The following PRR16 variants were observed in gnomAD, a reference collection of about 807,000 sequenced individuals.
The protein encoded by PRR16 is protein Largen.
In PRR16, 6 loss-of-function variants were observed where a neutral mutation model predicts 18.2. The ratio of observed to expected loss-of-function variants is 0.33; its 90% CI spans 0.18 to 0.65. The LOEUF is 0.65. PRR16 is among the 30% of genes least tolerant of loss of function. The pLI is 0.74. For missense variants in PRR16, 412 were observed against 376.6 expected (o/e 1.09, Z -0.78); for synonymous variants, 151 against 147.8 (o/e 1.02, Z -0.16).
chr5:120,771,349 T>C, the PRR16 span, among the ~76,000 whole-genome samples: 2 of 152,066 alleles, frequency 1.3e-5, no homozygotes, highest in Non-Finnish European at 2.9e-5. Context: ...CCCAAACACA[T>C]TGCAGTAGTT....
At chr5:120,502,988 T>G (rs914673050) in intron 1 of PRR16, among the ~76,000 whole-genome samples, 1 of 152,174 alleles carries the variant, frequency 6.6e-6, no homozygotes, top group Admixed American at 6.5e-5. Context: ...AAAAAAGATT[T>G]TTTTCTGTTC....
chr5:120,719,600 A>G, the PRR16 span, among the ~76,000 whole-genome samples: 2 of 152,114 alleles, frequency 1.3e-5, no homozygotes, highest in African/African-American at 4.8e-5. Context: ...GATTTGTGAC[A>G]TATTGCATAG....
At chr5:120,512,293 G>A (rs1412773728) in intron 1 of PRR16, among the ~76,000 whole-genome samples, 5 of 152,150 alleles carry the variant, frequency 3.3e-5, no homozygotes, top group African/African-American at 1.2e-4. Flanking sequence ...AGAGCTTGAG[G>A]TTGTGAGGGC....
At chr5:120,682,100 T>C (rs1413043489) in intron 1 of PRR16, among the ~76,000 whole-genome samples, 2 of 152,226 alleles carry the variant, frequency 1.3e-5, no homozygotes, top group Admixed American at 6.5e-5. Flanking sequence ...AGCTGCTACC[T>C]AACTATCCAA....
chr5:120,480,312 T>C (rs1749569707), intron 1 of PRR16, among the ~76,000 whole-genome samples: 1 of 152,190 alleles, frequency 6.6e-6, no homozygotes, highest in Admixed American at 6.5e-5. Flanking sequence ...CTAATACTCA[T>C]ACTGTCCAAT....
chr5:120,578,758 T>C (rs1232508958), intron 1 of PRR16, among the ~76,000 whole-genome samples: 1 of 152,176 alleles, frequency 6.6e-6, no homozygotes, highest in Non-Finnish European at 1.5e-5. Context: ...TTTGGGTATA[T>C]AGACAATAAT....
At chr5:120,735,501 T>G in the PRR16 span, among the ~76,000 whole-genome samples, 1 of 152,180 alleles carries the variant, frequency 6.6e-6, no homozygotes, top group African/African-American at 2.4e-5. Flanking sequence ...ATTTTTTAAA[T>G]AGTGGACATC....
At chr5:120,742,711 G>T in the PRR16 span, among the ~76,000 whole-genome samples, 10 of 152,090 alleles carry the variant, frequency 6.6e-5, no homozygotes, top group Admixed American at 2.0e-4. Context: ...CACAAACTCT[G>T]TGGCTTAAAA....
intron 1 of PRR16, among the ~76,000 whole-genome samples, chr5:120,661,888 A>G (rs1188769741): frequency 1.3e-5 from 2 of 152,138 alleles, no homozygotes; most frequent in Non-Finnish European, 2.9e-5. Flanking sequence ...AGGAACCACT[A>G]GTATGTTTAT....
At chr5:120,755,416 A>G in the PRR16 span, among the ~76,000 whole-genome samples, 2 of 151,810 alleles carry the variant, frequency 1.3e-5, no homozygotes, top group Non-Finnish European at 2.9e-5. Context: ...TCCAGAGTCT[A>G]TTGTTGCTAT....
chr5:120,667,899 G>A (rs1756450326), intron 1 of PRR16, among the ~76,000 whole-genome samples: 1 of 152,130 alleles, frequency 6.6e-6, no homozygotes, highest in Admixed American at 6.5e-5. Flanking sequence ...TGGAATAGGT[G>A]TGGTGTGGTG....
intron 1 of PRR16, among the ~76,000 whole-genome samples, chr5:120,547,962 A>G (rs1752125327): frequency 6.6e-6 from 1 of 152,112 alleles, no homozygotes; most frequent in Non-Finnish European, 1.5e-5. Flanking sequence ...TAATGAGAAT[A>G]AAAATACCAA....
chr5:120,471,293 C>A (rs1749261337), intron 1 of PRR16, among the ~76,000 whole-genome samples: 2 of 152,034 alleles, frequency 1.3e-5, no homozygotes, highest in Admixed American at 1.3e-4. Flanking sequence ...AATATTCTGG[C>A]TGAGAAAATA....
At chr5:120,594,288 C>T (rs562570647) in intron 1 of PRR16, among the ~76,000 whole-genome samples, 1 of 151,546 alleles carries the variant, frequency 6.6e-6, no homozygotes, top group East Asian at 1.9e-4. Flanking sequence ...CGTCCAAAGT[C>T]CGTAGCATTC....
At chr5:120,557,379 T>C (rs1286492970) in intron 1 of PRR16, among the ~76,000 whole-genome samples, 1 of 151,950 alleles carries the variant, frequency 6.6e-6, no homozygotes, top group Non-Finnish European at 1.5e-5. Context: ...CATATATCTA[T>C]ATAATACATA....
the PRR16 span, among the ~76,000 whole-genome samples, chr5:120,704,349 C>A: frequency 6.6e-6 from 1 of 151,940 alleles, no homozygotes; most frequent in Non-Finnish European, 1.5e-5. Context: ...AGACTGTTTT[C>A]TTTTTTTCCC....
At chr5:120,711,231 A>G in the PRR16 span, among the ~76,000 whole-genome samples, 13 of 152,300 alleles carry the variant, frequency 8.5e-5, no homozygotes, top group East Asian at 2.3e-3. Flanking sequence ...TTCATGGAGT[A>G]TGGGGATTAG....
the PRR16 span, among the ~76,000 whole-genome samples, chr5:120,752,445 C>T: frequency 1.3e-5 from 2 of 151,724 alleles, no homozygotes; most frequent in Non-Finnish European, 2.9e-5. Flanking sequence ...CAGTAAGGGG[C>T]CTAACATTTG....
intron 1 of PRR16, among the ~76,000 whole-genome samples, chr5:120,524,074 T>G (rs112521736): frequency 3.3e-5 from 5 of 152,130 alleles, no homozygotes; most frequent in Non-Finnish European, 7.4e-5. Context: ...AGTAATAGTA[T>G]TATTTTCAAC....
Sources: gnomAD v4.1 joint callset for allele counts (sites outside exome capture counted in the v4.1 genomes callset) on GRCh38, gnomAD v4.1.1 for gene constraint, MANE v1.5 for transcripts, NCBI Gene and HGNC (gene_info 2026-07-23, HGNC 2026-07-21) for gene names.